The following ENOX1 variants were observed in gnomAD, a reference collection of about 807,000 sequenced individuals.
ENOX1 encodes the protein candidate growth-related and time keeping constitutive hydroquinone (NADH) oxidase.
ENOX1 carries 42 observed loss-of-function variants against 82.5 expected under a neutral mutation model. The ratio of observed to expected loss-of-function variants is 0.51; its 90% CI spans 0.40 to 0.66. The LOEUF is 0.66. Ranked by LOEUF, ENOX1 falls within the 30% of genes least tolerant of loss-of-function variation. ENOX1 has a pLI of 0.00. For synonymous variants in ENOX1, 271 were observed against 282.2 expected (o/e 0.96, Z 0.40); for missense variants, 608 against 811.6 (o/e 0.75, Z 3.05).
At chr13:43,411,061 C>T (rs1046849974) in intron 5 of ENOX1, among the ~76,000 whole-genome samples, 1 of 152,144 alleles carries the variant, frequency 6.6e-6, no homozygotes, top group African/African-American at 2.4e-5. Flanking sequence ...TCAAGCCCCA[C>T]CTTCCTGATA....
At chr13:43,600,411 T>C (rs755938576) in intron 2 of ENOX1, among the ~76,000 whole-genome samples, 1 of 152,134 alleles carries the variant, frequency 6.6e-6, no homozygotes, top group Non-Finnish European at 1.5e-5. Flanking sequence ...CACTGCAGAC[T>C]TGGGGCAGTG....
At chr13:43,774,375 T>G (rs142624614) in intron 1 of ENOX1, among the ~76,000 whole-genome samples, 3 of 152,276 alleles carry the variant, frequency 2.0e-5, no homozygotes, top group Non-Finnish European at 4.4e-5. Flanking sequence ...TTCTGAGAGA[T>G]AAAGAAAACG....
intron 14 of ENOX1, 102 bp from the exon 15 acceptor site, chr13:43,236,840 C>T (rs1035000151): frequency 1.9e-6 from 1 of 523,606 alleles, no homozygotes; most frequent in African/African-American, 2.0e-5. Flanking sequence ...AAGGTCATCA[C>T]TTCTATTTAT....
At chr13:43,385,732 T>C (rs1043079393) in intron 5 of ENOX1, among the ~76,000 whole-genome samples, 1 of 152,210 alleles carries the variant, frequency 6.6e-6, no homozygotes, top group Non-Finnish European at 1.5e-5. Flanking sequence ...AACACATTCG[T>C]TTATACATTT....
At chr13:43,351,702 T>G (rs1234025682) in intron 8 of ENOX1, among the ~76,000 whole-genome samples, 5 of 150,364 alleles carry the variant, frequency 3.3e-5, no homozygotes, top group Admixed American at 2.7e-4. Context: ...TTGCGATAGT[T>G]TACTGAGAAT....
chr13:43,598,159 C>T (rs2081550958), intron 2 of ENOX1, among the ~76,000 whole-genome samples: 1 of 151,706 alleles, frequency 6.6e-6, no homozygotes, highest in African/African-American at 2.4e-5. Context: ...TATTGCTAGC[C>T]TGAAATCAGC....
intron 2 of ENOX1, among the ~76,000 whole-genome samples, chr13:43,584,785 G>A (rs1419390915): frequency 6.6e-6 from 1 of 152,126 alleles, no homozygotes; most frequent in East Asian, 1.9e-4. Context: ...AGTGACTTTT[G>A]ATTTCCTGCT....
intron 3 of ENOX1, among the ~76,000 whole-genome samples, chr13:43,454,368 A>G (rs1313678107): frequency 6.6e-6 from 1 of 152,028 alleles, no homozygotes; most frequent in Non-Finnish European, 1.5e-5. Flanking sequence ...TGGTTAATCT[A>G]TAGTCTTGTC....
intron 3 of ENOX1, among the ~76,000 whole-genome samples, chr13:43,466,583 A>C (rs1344481189): frequency 6.6e-6 from 1 of 152,190 alleles, no homozygotes; most frequent in Non-Finnish European, 1.5e-5. Context: ...CCAAACAACT[A>C]TCAGAACTAG....
At chr13:43,216,764 G>T (rs189365972) in intron 16 of ENOX1, among the ~76,000 whole-genome samples, 106 of 152,274 alleles carry the variant, frequency 7.0e-4, no homozygotes, top group African/African-American at 2.5e-3. Context: ...AGGGAAGAAG[G>T]TTTGTGCCAT....
At chr13:43,360,480 A>G (rs1341389812) in intron 6 of ENOX1, among the ~76,000 whole-genome samples, 1 of 152,204 alleles carries the variant, frequency 6.6e-6, no homozygotes, top group African/African-American at 2.4e-5. Context: ...TACGGGAAGC[A>G]TAACCTACAA....
At chr13:43,341,040 G>C (rs555052029) in intron 9 of ENOX1, among the ~76,000 whole-genome samples, 1 of 152,172 alleles carries the variant, frequency 6.6e-6, no homozygotes, top group African/African-American at 2.4e-5. Context: ...GCTTACACCT[G>C]TAATCCCAGC....
chr13:43,253,976 T>G (rs755288611), intron 14 of ENOX1, among the ~76,000 whole-genome samples: 2 of 152,246 alleles, frequency 1.3e-5, no homozygotes, highest in Non-Finnish European at 2.9e-5. Flanking sequence ...ATTGCTTGCA[T>G]GCAAGTCATG....
chr13:43,562,289 T>C (rs752569658), intron 2 of ENOX1, among the ~76,000 whole-genome samples: 3 of 152,190 alleles, frequency 2.0e-5, no homozygotes, highest in Non-Finnish European at 2.9e-5. Flanking sequence ...AGTTTGTTTA[T>C]GCAATTAGTG....
At chr13:43,456,651 G>A (rs1292820182) in intron 3 of ENOX1, among the ~76,000 whole-genome samples, 1 of 152,084 alleles carries the variant, frequency 6.6e-6, no homozygotes, top group African/African-American at 2.4e-5. Flanking sequence ...TCTCTCTGTG[G>A]AGTTTCATCC....
intron 1 of ENOX1, among the ~76,000 whole-genome samples, chr13:43,757,288 G>A (rs1950708985): frequency 1.3e-5 from 2 of 152,168 alleles, no homozygotes. Flanking sequence ...CCCATCCCTT[G>A]AACCTGGATT....
intron 15 of ENOX1, among the ~76,000 whole-genome samples, chr13:43,224,466 T>C (rs1306208246): frequency 6.6e-6 from 1 of 152,240 alleles, no homozygotes; most frequent in Non-Finnish European, 1.5e-5. Flanking sequence ...TATAAAATTA[T>C]AGTTATTGGA....
At chr13:43,652,737 T>C (rs546347766) in intron 2 of ENOX1, among the ~76,000 whole-genome samples, 4 of 152,162 alleles carry the variant, frequency 2.6e-5, no homozygotes, top group Non-Finnish European at 5.9e-5. Context: ...CTGACTTTCA[T>C]AGTGGGCAGG....
chr13:43,240,129 T>G (rs2042746065), intron 14 of ENOX1, among the ~76,000 whole-genome samples: 3 of 152,174 alleles, frequency 2.0e-5, no homozygotes, highest in Admixed American at 6.5e-5. Context: ...AATGTGGAAT[T>G]AATTAATTCC....
Sources: gnomAD v4.1 joint callset for allele counts (sites outside exome capture counted in the v4.1 genomes callset) on GRCh38, gnomAD v4.1.1 for gene constraint, MANE v1.5 for transcripts, NCBI Gene and HGNC (gene_info 2026-07-23, HGNC 2026-07-21) for gene names.